Variants in LY6G5C observed in about 807,000 individuals in gnomAD.
The protein encoded by LY6G5C is lymphocyte antigen 6 family member G5C.
In LY6G5C, 6 loss-of-function variants were observed where a neutral mutation model predicts 10.5. The observed-to-expected ratio is 0.57, with a 90% CI of 0.31 to 1.12. The LOEUF is 1.12. Ranked by LOEUF, LY6G5C falls within the 50% of genes most tolerant of loss-of-function variation. The pLI is 0.05. For missense variants in LY6G5C, 160 were observed against 185.5 expected, an observed-to-expected ratio of 0.86 and a Z score of 0.80; for synonymous variants, 69 against 67.8, an observed-to-expected ratio of 1.02 and a Z score of -0.09.
exon 3 of LY6G5C, chr6:31,677,038 C>G: frequency 1.2e-6 from 2 of 1,613,012 alleles, no homozygotes; most frequent in Non-Finnish European, 1.7e-6. Context: ...AGAAGCCAGA[C>G]ACCGGAGAAG....
At chr6:31,680,514 T>C, upstream of LY6G5C, 1 of 899,730 alleles carries the variant, frequency 1.1e-6, no homozygotes, top group Non-Finnish European at 1.6e-6. The surrounding 1 kb of genome is among the most constrained non-coding windows in gnomAD (Gnocchi z 4.5). Context: ...CCACAGCCAC[T>C]CTGGGGCATA....
In LY6G5C at chr6:31,679,213, G is replaced by C; in HGVS notation, c.177C>G (p.Tyr59Ter). ...CCAAGAGGCATCGGTAGCAGCGCAG[G>C]TATTTGGGGAATGGAAGTGGTTGAG... Residue 59 changes from tyrosine (Y) to a stop codon, truncating the protein, a stop_gained, in exon 2 of 3, where the codon TAC becomes TAG. Coordinates refer to ENST00000383237, the Ensembl canonical transcript of LY6G5C. LOFTEE classifies it high-confidence loss of function. This position sits in a 1 kb window ranked among gnomAD's most constrained non-coding sequence, Gnocchi z 4.4. 1.9e-6 allele frequency: 3 copies of C among 1,613,012 alleles called. No individual in the cohort carries two copies. Among genetic ancestry groups the C allele is most frequent in the Middle Eastern group, 3.3e-4 (2 of 6,062 alleles).
upstream of LY6G5C, chr6:31,680,490 C>T: frequency 7.9e-7 from 1 of 1,259,760 alleles, no homozygotes; most frequent in South Asian, 1.5e-5. The surrounding 1 kb of genome is among the most constrained non-coding windows in gnomAD (Gnocchi z 4.5). Flanking sequence ...GCCAGAGGGG[C>T]AGAATGTTCG....
rs566970412 is a variant in LY6G5C, at chr6:31,677,041, C to A, written c.369G>T (p.Pro123=). ...GAGAGAATATCCAGAAGCCAGACAC[C>A]GGAGAAGTTCGGGTATTTGAACAAT... The change falls in exon 3 of 3, where the codon CCG becomes CCT. Residue 123 remains proline (P), a synonymous_variant. Transcript: ENST00000383237. 4.3e-5 allele frequency: 70 copies of A among 1,612,918 alleles called. No homozygotes were observed. In the South Asian group the frequency reaches 5.7e-4, roughly 13 times the overall value.
chr6:31,680,453 C>G (rs1025799413), upstream of LY6G5C: 5 of 1,497,976 alleles, frequency 3.3e-6, no homozygotes, highest in African/African-American at 5.5e-5. The surrounding 1 kb of genome is among the most constrained non-coding windows in gnomAD (Gnocchi z 4.5). Context: ...GCAACACCAG[C>G]TCAGGGTGGA....
At position 31,680,354 on chromosome 6, in the gene LY6G5C, G is replaced by C. The variant is rs535776589; in HGVS notation, c.20C>G (p.Pro7Arg). Residue 7 changes from proline to arginine, a missense_variant, in exon 1 of 3, where the codon CCT becomes CGT. Transcript: ENST00000383237. The surrounding 1 kb of genome is among the most constrained non-coding windows in gnomAD (Gnocchi z 4.5). The stretch of plus-strand genomic sequence containing the variant: ...GGGACCCAGACTCTGGCTCCCTGCA[G>C]GGCCTGCCATAAAACGCATGACTGC... 5 of 1,513,040 alleles carry C rather than the reference G, an allele frequency of 3.3e-6. No homozygotes were observed. Among genetic ancestry groups the C allele is most frequent in the Non-Finnish European group, 4.4e-6 (5 of 1,133,752 alleles). 93.7% of individuals were successfully genotyped at this position (1,513,040 alleles called of 1,614,324 possible). A position where few individuals can be genotyped will look rare whatever the true frequency, so the allele number is the denominator to read the frequency against.
exon 3 of LY6G5C, chr6:31,677,068 A>G (rs1280418892): frequency 6.2e-7 from 1 of 1,612,710 alleles, no homozygotes; most frequent in Non-Finnish European, 8.5e-7. Context: ...TTGAACAATC[A>G]CTCATCTGCT....
At chr6:31,680,403 A>C (rs1262982175), upstream of LY6G5C, 2 of 1,596,570 alleles carry the variant, frequency 1.3e-6, no homozygotes, top group South Asian at 1.1e-5. This position sits in a 1 kb window ranked among gnomAD's most constrained non-coding sequence, Gnocchi z 4.5. Context: ...GTTTGGGCTT[A>C]TATTGGTGGA....
At chr6:31,678,460 G>A (rs1397677225) in intron 2 of LY6G5C, among the ~76,000 whole-genome samples, 1 of 152,192 alleles carries the variant, frequency 6.6e-6, no homozygotes, top group Admixed American at 6.5e-5. Context: ...GAGAGAAAAC[G>A]CTCCATGAAG....
chr6:31,679,354 A>C lies in LY6G5C; in HGVS notation c.122-86T>G. On this transcript the variant is annotated intron_variant, in intron 1 of 2. Coordinates refer to ENST00000383237, the Ensembl canonical transcript of LY6G5C. This position sits in a 1 kb window ranked among gnomAD's most constrained non-coding sequence, Gnocchi z 4.4. ...GCCTGATTCCAGGCCACTCAGCCCC[A>C]CTCCTCCCTCCCTTCCTGTCTCAGA... 7.0e-7 allele frequency: 1 copy of C among 1,433,454 alleles called. No individual in the cohort carries two copies. Among genetic ancestry groups the C allele is most frequent in the Non-Finnish European group, 9.8e-7 (1 of 1,022,860 alleles). 88.8% of individuals were successfully genotyped at this position (1,433,454 alleles called of 1,614,324 possible).
Position 31,680,087 on chromosome 6 carries a change from T to C in LY6G5C, c.121+166A>G. On this transcript the variant is annotated intron_variant, in intron 1 of 2. Coordinates refer to ENST00000383237, the Ensembl canonical transcript of LY6G5C. This position sits in a 1 kb window ranked among gnomAD's most constrained non-coding sequence, Gnocchi z 4.5. Reference sequence around the variant, plus strand: ...AATAAATTTTTAAAAATCTTCAGATTGCACATCAGTCCATGAGCAGGCATT... The same window carrying C: ...AATAAATTTTTAAAAATCTTCAGATCGCACATCAGTCCATGAGCAGGCATT... 1 of 669,046 alleles carries C rather than the reference T, an allele frequency of 1.5e-6. No individual in the cohort carries two copies. The highest frequency in any genetic ancestry group is 2.6e-6 in the Non-Finnish European group (1 of 382,356). 41.4% of individuals were successfully genotyped at this position (669,046 alleles called of 1,614,324 possible).
At position 31,679,457 on chromosome 6, in the gene LY6G5C, G is replaced by C. The variant is rs1181491195; in HGVS notation, c.122-189C>G. 1.6e-6 allele frequency: 1 copy of C among 634,888 alleles called. No homozygotes were observed. The highest frequency in any genetic ancestry group is 2.8e-6 in the Non-Finnish European group (1 of 361,120). 39.3% of individuals were successfully genotyped at this position (634,888 alleles called of 1,614,324 possible). ...ATCCCCCTTTTCCTCTGGTCCTAAG[G>C]CCAGACCACATGTTAACAAATCCCC... On this transcript the variant is annotated intron_variant, in intron 1 of 2. Transcript: ENST00000383237. This position sits in a 1 kb window ranked among gnomAD's most constrained non-coding sequence, Gnocchi z 4.4.
chr6:31,679,359 TC>T lies in LY6G5C; in HGVS notation c.122-92del, dbSNP rs1454024248. 1 of 1,380,230 alleles carries T rather than the reference TC, an allele frequency of 7.2e-7. No homozygotes were observed. Among genetic ancestry groups the T allele is most frequent in the African/African-American group, 1.4e-5 (1 of 70,152 alleles). 85.5% of individuals were successfully genotyped at this position (1,380,230 alleles called of 1,614,324 possible). ...ATTCCAGGCCACTCAGCCCCACTCC[TC>T]CCTCCCTTCCTGTCTCAGAAAACCA... On this transcript the variant is annotated intron_variant, in intron 1 of 2. Transcript: ENST00000383237. The surrounding 1 kb of genome is among the most constrained non-coding windows in gnomAD (Gnocchi z 4.4).
chr6:31,679,641 C>A lies in LY6G5C; in HGVS notation c.122-373G>T, dbSNP rs1216055084. The A allele has an allele frequency of 6.2e-6, 2 of 323,724 alleles. No homozygotes were observed. Among genetic ancestry groups the A allele is most frequent in the Non-Finnish European group, 1.2e-5 (2 of 170,570 alleles). The allele number at this position is 323,724 out of a possible 1,614,324, so 20.1% of individuals were successfully genotyped here. A position where few individuals can be genotyped will look rare whatever the true frequency, so the allele number is the denominator to read the frequency against. Reference sequence around the variant, plus strand: ...TGGATTCTGGTTTTCTCATCCAGCACACTCCCTAACCCTCCCTATTCTATG... The same window carrying A: ...TGGATTCTGGTTTTCTCATCCAGCAAACTCCCTAACCCTCCCTATTCTATG... On this transcript the variant is annotated intron_variant, in intron 1 of 2. Transcript: ENST00000383237. This position sits in a 1 kb window ranked among gnomAD's most constrained non-coding sequence, Gnocchi z 4.4.
chr6:31,679,551 T>C lies in LY6G5C; in HGVS notation c.122-283A>G. ...ACCAACACTTTGAATCCTGTGTCTC[T>C]GTGGCTGGTGCTTTGCAGCCAAGTG... On this transcript the variant is annotated intron_variant, in intron 1 of 2. Transcript: ENST00000383237. The surrounding 1 kb of genome is among the most constrained non-coding windows in gnomAD (Gnocchi z 4.4). 2.0e-6 allele frequency: 1 copy of C among 503,220 alleles called. No homozygotes were observed. 31.2% of individuals were successfully genotyped at this position (503,220 alleles called of 1,614,324 possible).
rs1802744375 is a variant in LY6G5C, at chr6:31,679,179, C to T, written c.211G>A (p.Glu71Lys). The change falls in exon 2 of 3, where the codon GAG (glutamate) becomes AAG (lysine). Residue 71 changes from glutamate (E) to lysine (K), a missense_variant. By Grantham distance (56) the Glu-to-Lys change is moderately conservative. Coordinates refer to ENST00000383237, the Ensembl canonical transcript of LY6G5C. The surrounding 1 kb of genome is among the most constrained non-coding windows in gnomAD (Gnocchi z 4.4). ...TCAGATCCCAGAAGGCACCCTAACT[C>T]CTTGGTCTCCAAGAGGCATCGGTAG... The T allele has an allele frequency of 6.2e-7, 1 of 1,612,856 alleles. No individual in the cohort carries two copies. The highest frequency in any genetic ancestry group is 1.1e-5 in the South Asian group (1 of 91,088).
intron 2 of LY6G5C, 70 bp from the exon 3 acceptor site, chr6:31,677,190 C>A: frequency 4.1e-6 from 6 of 1,452,460 alleles, no homozygotes; most frequent in Non-Finnish European, 5.7e-6. Flanking sequence ...CTCATCCCCA[C>A]ACTCATAAGT....
chr6:31,679,305 C>G lies in LY6G5C; in HGVS notation c.122-37G>C, dbSNP rs1424520585. ...AGAAGTGCTGACCCCACTCACACCC[C>G]ATTCTACCTCACACCCTACCACTGC... On this transcript the variant is annotated intron_variant, in intron 1 of 2. Transcript: ENST00000383237. The surrounding 1 kb of genome is among the most constrained non-coding windows in gnomAD (Gnocchi z 4.4). 1 of 1,610,880 alleles carries G rather than the reference C, an allele frequency of 6.2e-7. No homozygotes were observed. Among genetic ancestry groups the G allele is most frequent in the Non-Finnish European group, 8.5e-7 (1 of 1,178,164 alleles).
At position 31,679,005 on chromosome 6, in the gene LY6G5C, G is replaced by T; in HGVS notation, c.289+96C>A. ...AGACAGGATTGGAGCAATGTCTTAT[G>T]GGATTATGGGAACAAGACTTGGGGT... On this transcript the variant is annotated intron_variant, in intron 2 of 2. Transcript: ENST00000383237. The surrounding 1 kb of genome is among the most constrained non-coding windows in gnomAD (Gnocchi z 4.4). 1 of 1,304,854 alleles carries T rather than the reference G, an allele frequency of 7.7e-7. No individual in the cohort carries two copies. Among genetic ancestry groups the T allele is most frequent in the Non-Finnish European group, 1.1e-6 (1 of 912,594 alleles). 80.8% of individuals were successfully genotyped at this position (1,304,854 alleles called of 1,614,324 possible). A position where few individuals can be genotyped will look rare whatever the true frequency, so the allele number is the denominator to read the frequency against.
Sources: gnomAD v4.1 joint callset for allele counts (sites outside exome capture counted in the v4.1 genomes callset) on GRCh38, gnomAD v4.1.1 for gene constraint, Gnocchi (gnomAD v3.1) non-coding constraint, MANE v1.5 for transcripts, NCBI Gene and HGNC (gene_info 2026-07-23, HGNC 2026-07-21) for gene names.